KLHL4: variants seen among roughly 807,000 people sequenced by gnomAD.
KLHL4 encodes kelch-like protein 4.
A neutral mutation model predicts 45.8 loss-of-function variants in KLHL4; 17 were observed. The ratio of observed to expected loss-of-function variants is 0.37; its 90% confidence interval spans 0.25 to 0.56. The LOEUF is 0.56. KLHL4 is among the 20% of genes least tolerant of loss of function. KLHL4 has a pLI of 0.79. For synonymous variants in KLHL4, 224 were observed against 189.9 expected, an observed-to-expected ratio of 1.18 and a Z score of -1.47; for missense variants, 544 against 544.9, an observed-to-expected ratio of 1.00 and a Z score of 0.02.
chrX:87,519,013 G>A (rs1283153886), intron 1 of KLHL4, among the ~76,000 whole-genome samples: 3 of 111,749 alleles, frequency 2.7e-5, no homozygotes, highest in Non-Finnish European at 3.8e-5. Flanking sequence ...TTTGGGTATA[G>A]TTCATAAAAC....
chrX:87,614,815 T>C (rs1922502201), intron 3 of KLHL4, among the ~76,000 whole-genome samples: 1 of 110,837 alleles, frequency 9.0e-6, no homozygotes, highest in Non-Finnish European at 1.9e-5. Flanking sequence ...GTATATAATA[T>C]GTAGAAAATA....
intron 1 of KLHL4, among the ~76,000 whole-genome samples, chrX:87,551,568 C>A (rs372794795): frequency 3.9e-5 from 3 of 76,096 alleles, no homozygotes; most frequent in Non-Finnish European, 7.3e-5. Context: ...GATAGATAGA[C>A]AGATAGATAA....
chrX:87,561,480 A>C (rs1932097544), intron 1 of KLHL4, among the ~76,000 whole-genome samples: 1 of 111,813 alleles, frequency 8.9e-6, no homozygotes, highest in Non-Finnish European at 1.9e-5. Context: ...GGGAGCACTT[A>C]AACAAGTGAT....
intron 3 of KLHL4, 58 bp downstream of exon 3, chrX:87,614,628 T>TTAG (rs1465758218): frequency 3.0e-6 from 3 of 1,014,121 alleles, no homozygotes; most frequent in East Asian, 3.1e-5. Flanking sequence ...CACATTATTA[T>TTAG]TAGTAGTAGT....
chrX:87,615,654 G>A (rs1427026414), intron 3 of KLHL4, among the ~76,000 whole-genome samples: 2 of 111,362 alleles, frequency 1.8e-5, no homozygotes, highest in African/African-American at 6.5e-5. Context: ...AATAAAAAAG[G>A]AATGAAGTAG....
Position 87,667,869 on chromosome X carries a change from CG to C in KLHL4, c.*1336del, listed in dbSNP as rs1569366585. On this transcript the variant is annotated 3_prime_UTR_variant, in exon 11 of 11. Coordinates refer to ENST00000373119, the MANE Select transcript of KLHL4 (RefSeq NM_019117.5). Reference sequence around the variant, plus strand: ...GCTTTTAAGTTTTAAGAAAGAAGAACGTAAGTTGTACAAAGATATTTGTACT... The same window carrying C: ...GCTTTTAAGTTTTAAGAAAGAAGAACTAAGTTGTACAAAGATATTTGTACT... The C allele has an allele frequency of 1.5e-6, 1 of 668,400 alleles. No individual in the cohort carries two copies. Among genetic ancestry groups the C allele is most frequent in the African/African-American group, 2.4e-5 (1 of 41,614 alleles). 55.1% of individuals were successfully genotyped at this position (668,400 alleles called of 1,213,427 possible).
intron 9 of KLHL4, among the ~76,000 whole-genome samples, chrX:87,644,856 G>T (rs1056222555): frequency 3.6e-5 from 4 of 111,736 alleles, no homozygotes; most frequent in Admixed American, 2.9e-4. Flanking sequence ...ACATATAGGA[G>T]AATTAAACTG....
At chrX:87,615,778 A>T (rs184975495) in intron 3 of KLHL4, among the ~76,000 whole-genome samples, 2 of 111,504 alleles carry the variant, frequency 1.8e-5, no homozygotes, top group Admixed American at 9.6e-5. Context: ...AAATAAAAAA[A>T]ATTGTAGAGG....
chrX:87,543,091 G>A (rs1401405556), intron 1 of KLHL4, among the ~76,000 whole-genome samples: 5 of 110,944 alleles, frequency 4.5e-5, no homozygotes, highest in African/African-American at 1.6e-4. Context: ...TGTGAAGAAG[G>A]TGCCTGCTAC....
intron 9 of KLHL4, among the ~76,000 whole-genome samples, chrX:87,650,530 G>A (rs1248467356): frequency 8.9e-6 from 1 of 111,957 alleles, no homozygotes; most frequent in African/African-American, 3.2e-5. Context: ...TAGCCTAATT[G>A]CTCTGGTTTA....
At chrX:87,541,490 C>CAAAAAAAA (rs1491259195) in intron 1 of KLHL4, among the ~76,000 whole-genome samples, 1 of 63,926 alleles carries the variant, frequency 1.6e-5, no homozygotes, top group African/African-American at 6.4e-5. Context: ...GACTCCATCT[C>CAAAAAAAA]ACAAAAAAAA....
intron 1 of KLHL4, among the ~76,000 whole-genome samples, chrX:87,601,523 G>A (rs1393486483): frequency 1.8e-5 from 2 of 111,614 alleles, no homozygotes; most frequent in Non-Finnish European, 3.8e-5. Context: ...GTCTCTTAGT[G>A]TGCATGCTTG....
chrX:87,633,640 T>A (rs1442944315), intron 7 of KLHL4, 109 bp from the exon 8 acceptor site: 13 of 594,761 alleles, frequency 2.2e-5, no homozygotes, highest in Non-Finnish European at 3.3e-5. Context: ...TGCAAAATCG[T>A]TTAATAAGCA....
At position 87,548,675 on chromosome X, in the gene KLHL4, T is replaced by G. The variant is rs144682146; in HGVS notation, c.422+30360T>G. On this transcript the variant is annotated intron_variant, in intron 1 of 10. Coordinates refer to ENST00000373119, the MANE Select transcript of KLHL4 (RefSeq NM_019117.5). The stretch of plus-strand genomic sequence containing the variant: ...ATTCATTTTCAATTTGATTTATTTA[T>G]GAAAATGGTGTGAAGCTGTTATCAG... Among the ~76,000 whole-genome samples the G allele has an allele frequency of 4.1e-3, 451 of 110,377 alleles. 4 individuals are homozygous for G. The highest frequency in any genetic ancestry group is 0.014 in the African/African-American group (415 of 30,421).
intron 3 of KLHL4, among the ~76,000 whole-genome samples, chrX:87,617,144 G>A (rs1165048097): frequency 8.2e-5 from 9 of 109,895 alleles, no homozygotes; most frequent in Non-Finnish European, 1.9e-5. Flanking sequence ...AAATATAAAC[G>A]GACTAACTCA....
At chrX:87,603,397 G>T (rs1190462480) in intron 1 of KLHL4, among the ~76,000 whole-genome samples, 1 of 110,977 alleles carries the variant, frequency 9.0e-6, no homozygotes, top group Non-Finnish European at 1.9e-5. Flanking sequence ...TTACCTACAG[G>T]AATGTTGATA....
At chrX:87,540,769 C>T (rs970698014) in intron 1 of KLHL4, among the ~76,000 whole-genome samples, 3 of 111,573 alleles carry the variant, frequency 2.7e-5, no homozygotes, top group African/African-American at 6.5e-5. Flanking sequence ...AAGTAAAATA[C>T]AGTATATATA....
Position 87,656,964 on chromosome X carries a change from A to AT in KLHL4, c.1926-7793dup, listed in dbSNP as rs1243859461. Reference sequence around the variant, plus strand: ...TTTCAGTGGCAAAGACTCTGTATGAATTTTTTTCATTATAGGTAGCCTTAG... The same window carrying AT: ...TTTCAGTGGCAAAGACTCTGTATGAATTTTTTTTCATTATAGGTAGCCTTAG... On this transcript the variant is annotated intron_variant, in intron 9 of 10. Coordinates refer to ENST00000373119, the MANE Select transcript of KLHL4 (RefSeq NM_019117.5). Among the ~76,000 whole-genome samples the AT allele has an allele frequency of 4.5e-5, 5 of 111,679 alleles. No individual in the cohort carries two copies. The East Asian group carries it at 1.1e-3, about 25-fold the overall frequency.
rs777301324 is a variant in KLHL4, at chrX:87,668,226, A to C, written c.*1692A>C. 2.5e-3 allele frequency: 1,853 copies of C among 752,284 alleles called. 4 individuals are homozygous for C. The highest frequency in any genetic ancestry group is 5.3e-3 in the Middle Eastern group (7 of 1,319). The allele number at this position is 752,284 out of a possible 1,213,427, so 62.0% of individuals were successfully genotyped here. On this transcript the variant is annotated 3_prime_UTR_variant, in exon 11 of 11. Coordinates refer to ENST00000373119, the MANE Select transcript of KLHL4 (RefSeq NM_019117.5). ...TAGAGTTACCTAAACCTTTATCGCC[A>C]ATGCACAGCTTGGCCTGTTAAGTTA...
Sources: allele counts gnomAD v4.1 joint callset (sites outside exome capture counted in the v4.1 genomes callset), GRCh38; gene constraint gnomAD v4.1.1; transcripts MANE v1.5; gene names NCBI Gene and HGNC (gene_info 2026-07-23, HGNC 2026-07-21).